DDX4: variants seen among roughly 807,000 people sequenced by gnomAD.
DDX4 encodes the protein DEAD-box helicase 4.
In DDX4, 25 loss-of-function variants were observed where a neutral mutation model predicts 100.0. That is an observed-to-expected ratio of 0.25 (90% CI 0.18 to 0.35). The LOEUF (loss-of-function observed/expected upper bound fraction) is 0.35. Among genes scored for constraint, DDX4 ranks in the 10% least tolerant of loss-of-function variants. DDX4 has a pLI of 1.00. For synonymous variants in DDX4, 259 were observed against 275.7 expected, an observed-to-expected ratio of 0.94 and a Z score of 0.60; for missense variants, 635 against 882.4, an observed-to-expected ratio of 0.72 and a Z score of 3.55.
intron 18 of DDX4, among the ~76,000 whole-genome samples, chr5:55,800,865 A>T (rs556779042): frequency 6.6e-6 from 1 of 152,218 alleles, no homozygotes; most frequent in African/African-American, 2.4e-5. Flanking sequence ...AAATTATATA[A>T]ATTTTGTTCA....
chr5:55,782,265 A>C (rs1359096906), intron 10 of DDX4: 1 of 299,228 alleles, frequency 3.3e-6, no homozygotes, highest in Admixed American at 4.5e-5. Flanking sequence ...CTGAGATGTC[A>C]TTTATAATAA....
Position 55,789,064 on chromosome 5 carries a change from TA to T in DDX4, c.1172+1072del, listed in dbSNP as rs934288968. On this transcript the variant is annotated intron_variant, in intron 15 of 21. Transcript: ENST00000505374. Reference sequence around the variant, plus strand: ...TGACAGTGAGACCTTGACTTATATATAAAAAAAACCAACAGTTTTCTGTTTT... The same window carrying T: ...TGACAGTGAGACCTTGACTTATATATAAAAAAACCAACAGTTTTCTGTTTT... Among the ~76,000 whole-genome samples, 5 of 152,066 alleles carry T rather than the reference TA, an allele frequency of 3.3e-5. 1 individual carries two copies. The South Asian group carries it at 8.3e-4, about 25-fold the overall frequency.
Position 55,746,249 on chromosome 5 carries a change from C to T in DDX4, c.127+28C>T, listed in dbSNP as rs775432520. The T allele has an allele frequency of 1.9e-6, 3 of 1,588,542 alleles. 1 individual carries two copies. Among genetic ancestry groups the T allele is most frequent in the South Asian group, 2.3e-5 (2 of 86,042 alleles). On this transcript the variant is annotated intron_variant, in intron 3 of 21. Transcript: ENST00000505374. ...ATGTGTTATGGGAAAAAGGTAAAAC[C>T]CTTTTTAGTTTAAGGGTTTCATCTA...
intron 15 of DDX4, among the ~76,000 whole-genome samples, chr5:55,789,763 G>A (rs547188332): frequency 6.6e-6 from 1 of 152,314 alleles, no homozygotes; most frequent in East Asian, 1.9e-4. Context: ...TTGGGACTCT[G>A]TGTGACTGGA....
intron 18 of DDX4, among the ~76,000 whole-genome samples, chr5:55,801,085 A>G (rs1229360686): frequency 6.6e-6 from 1 of 152,194 alleles, no homozygotes; most frequent in Non-Finnish European, 1.5e-5. Context: ...GGAGAATTAA[A>G]AAAATACATG....
rs1418497655 is a variant in DDX4, at chr5:55,739,145, ATTG to A, written c.69+116_69+118del. ...CTGTGTCAGTGTTTATCTCCATGTG[ATTG>A]TTATTAACTATTATATGGGGAATAA... On this transcript the variant is annotated intron_variant, in intron 2 of 21. Transcript: ENST00000505374. The A allele has an allele frequency of 6.7e-5, 46 of 687,720 alleles. No individual in the cohort carries two copies. In the East Asian group the frequency reaches 1.1e-3, roughly 17 times the overall value. The allele number at this position is 687,720 out of a possible 1,614,324, so 42.6% of individuals were successfully genotyped here.
At chr5:55,766,713 A>G (rs1421366402) in intron 6 of DDX4, among the ~76,000 whole-genome samples, 1 of 152,142 alleles carries the variant, frequency 6.6e-6, no homozygotes, top group Non-Finnish European at 1.5e-5. Context: ...AACTTAGCTA[A>G]TAACCTGCAA....
chr5:55,796,885 A>G lies in DDX4; in HGVS notation c.1470-1541A>G, dbSNP rs565072342. The stretch of plus-strand genomic sequence containing the variant: ...AGACAAGGTCTCACTCTTCTCGCCC[A>G]GGCTGAAGTTCAGAGGCACAATCAT... On this transcript the variant is annotated intron_variant, in intron 17 of 21. Transcript: ENST00000505374. Among the ~76,000 whole-genome samples, 140 of 117,180 alleles carry G rather than the reference A, an allele frequency of 1.2e-3. No individual in the cohort carries two copies. The Middle Eastern group carries it at 0.024, about 20-fold the overall frequency. The allele number at this position is 117,180 out of a possible 152,430, so 76.9% of individuals were successfully genotyped here. A position where few individuals can be genotyped will look rare whatever the true frequency, so the allele number is the denominator to read the frequency against.
intron 8 of DDX4, 97 bp downstream of exon 8, chr5:55,780,162 A>G: frequency 6.6e-7 from 1 of 1,524,452 alleles, no homozygotes. Context: ...TGAGGATTAT[A>G]TGAGAATAGC....
intron 18 of DDX4, among the ~76,000 whole-genome samples, chr5:55,810,587 A>G (rs1744066294): frequency 6.6e-6 from 1 of 152,128 alleles, no homozygotes; most frequent in Admixed American, 6.5e-5. Flanking sequence ...TTAACATTTT[A>G]TCTATTCTCT....
At chr5:55,804,947 A>T (rs1268848824) in intron 18 of DDX4, among the ~76,000 whole-genome samples, 1 of 151,490 alleles carries the variant, frequency 6.6e-6, no homozygotes, top group African/African-American at 2.4e-5. Flanking sequence ...GATTCTTCCT[A>T]CCCATGAGCA....
At chr5:55,768,751 T>A (rs1241945976) in intron 7 of DDX4, among the ~76,000 whole-genome samples, 1 of 152,228 alleles carries the variant, frequency 6.6e-6, no homozygotes, top group Non-Finnish European at 1.5e-5. Flanking sequence ...ACCAGCAGTG[T>A]ATAGGCATTC....
At chr5:55,761,661 A>G (rs1740557774) in intron 4 of DDX4, among the ~76,000 whole-genome samples, 1 of 151,740 alleles carries the variant, frequency 6.6e-6, no homozygotes, top group Non-Finnish European at 1.5e-5. Context: ...AGGCTGGAGT[A>G]CAATGGCACA....
At chr5:55,792,527 T>G in intron 16 of DDX4, 114 bp from the exon 17 acceptor site, 5 of 537,044 alleles carry the variant, frequency 9.3e-6, no homozygotes, top group South Asian at 6.1e-5. Context: ...GCCTGGCTAA[T>G]TTTTTGTATT....
intron 3 of DDX4, among the ~76,000 whole-genome samples, chr5:55,757,553 A>G (rs979919675): frequency 3.9e-5 from 6 of 152,322 alleles, no homozygotes; most frequent in African/African-American, 1.4e-4. Context: ...TTGTGCTGCT[A>G]TAAACATGCG....
intron 6 of DDX4, chr5:55,767,095 G>A (rs1740972066): frequency 7.8e-7 from 1 of 1,281,292 alleles, no homozygotes; most frequent in Non-Finnish European, 1.0e-6. Flanking sequence ...AGCATGAATG[G>A]GGGAAAGTTT....
intron 18 of DDX4, among the ~76,000 whole-genome samples, chr5:55,808,044 T>A (rs532011046): frequency 5.3e-5 from 8 of 152,184 alleles, no homozygotes; most frequent in African/African-American, 1.7e-4. Context: ...TCGAAACTTC[T>A]CTTCACATTT....
rs770286750 is a variant in DDX4 at position 55,760,221 on chromosome 5, G to A, written c.149G>A (p.Arg50Gln). The change falls in exon 4 of 22, where the codon CGA becomes CAA. Residue 50 changes from arginine (R) to glutamine (Q), a missense_variant. This residue lies in a region of DDX4 where 446 missense variants were observed against 540.8 expected (regional missense o/e 0.82). Coordinates refer to ENST00000505374, the MANE Select transcript of DDX4 (RefSeq NM_024415.3). ...TTAGAAATGGATGATGGACCTTCTC[G>A]AAGAGATCATTTCATGAAAAGTGGA... ...SSSEMDDGPS[R>Q]RDHFMKSGFA... The A allele has an allele frequency of 9.6e-6, 15 of 1,566,718 alleles. No individual in the cohort carries two copies. The highest frequency in any genetic ancestry group is 4.9e-5 in the East Asian group (2 of 41,122).
chr5:55,765,414 ATAT>A lies in DDX4; in HGVS notation c.334+1351_334+1353del, dbSNP rs1200816665. Reference sequence around the variant, plus strand: ...TTCCCCTAAAAAAAAAAAAAAAAAAATATATATATATATATATATATATGGATT... The same window carrying A: ...TTCCCCTAAAAAAAAAAAAAAAAAAAATATATATATATATATATATGGATT... On this transcript the variant is annotated intron_variant, in intron 6 of 21. Transcript: ENST00000505374. Among the ~76,000 whole-genome samples, 386 of 64,776 alleles carry A rather than the reference ATAT, an allele frequency of 6.0e-3. 1 individual carries two copies. The highest frequency in any genetic ancestry group is 8.5e-3 in the Non-Finnish European group (291 of 34,400). The allele number at this position is 64,776 out of a possible 152,430, so 42.5% of individuals were successfully genotyped here.
Sources: gnomAD v4.1 joint callset for allele counts (sites outside exome capture counted in the v4.1 genomes callset) on GRCh38, gnomAD v4.1.1 for gene constraint, gnomAD v4.1.1 regional missense constraint, MANE v1.5 for transcripts, NCBI Gene and HGNC (gene_info 2026-07-23, HGNC 2026-07-21) for gene names.